Variants in IGSF5 observed in about 807,000 individuals in gnomAD.
The protein encoded by IGSF5 is immunoglobulin superfamily 5 like.
A neutral mutation model predicts 39.4 loss-of-function variants in IGSF5; 41 were observed. The observed-to-expected ratio is 1.04, with a 90% confidence interval of 0.81 to 1.35. The LOEUF (loss-of-function observed/expected upper bound fraction) is 1.35, where lower values mean the gene tolerates loss of function less well. Among genes scored for constraint, IGSF5 ranks in the 40% most tolerant of loss-of-function variants. The pLI is 0.00. For synonymous variants in IGSF5, 183 were observed against 175.3 expected (o/e 1.04, Z -0.34); for missense variants, 487 against 494.6 (o/e 0.98, Z 0.15).
intron 6 of IGSF5, among the ~76,000 whole-genome samples, chr21:39,789,418 C>T (rs1188007559): frequency 1.3e-5 from 2 of 152,162 alleles, no homozygotes; most frequent in Non-Finnish European, 2.9e-5. Flanking sequence ...ACGGGCCCAC[C>T]TCAGGGCTTG....
chr21:39,762,353 T>C (rs1477956767), intron 2 of IGSF5, among the ~76,000 whole-genome samples: 1 of 152,200 alleles, frequency 6.6e-6, no homozygotes, highest in Non-Finnish European at 1.5e-5. Context: ...ATCAAATACA[T>C]GTAAGATGTA....
intron 8 of IGSF5, among the ~76,000 whole-genome samples, chr21:39,801,053 T>C (rs566502001): frequency 6.6e-6 from 1 of 152,386 alleles, no homozygotes; most frequent in African/African-American, 2.4e-5. Context: ...ATTCTTGGAA[T>C]TGGATTGCCC....
chr21:39,726,994 C>T, the IGSF5 span, among the ~76,000 whole-genome samples: 1 of 152,164 alleles, frequency 6.6e-6, no homozygotes, highest in East Asian at 1.9e-4. Context: ...CCAATGCTCC[C>T]CAGGGTTGGC....
the IGSF5 span, among the ~76,000 whole-genome samples, chr21:39,731,618 T>C: frequency 2.6e-5 from 4 of 152,066 alleles, no homozygotes; most frequent in African/African-American, 4.8e-5. Flanking sequence ...CCTTTGAAAA[T>C]GGAGGGGCCA....
the IGSF5 span, chr21:39,729,962 G>A: frequency 6.6e-6 from 1 of 152,254 alleles, no homozygotes; most frequent in Non-Finnish European, 1.5e-5. Flanking sequence ...GAGGAGGTGT[G>A]AGTCCAGCCA....
intron 6 of IGSF5, among the ~76,000 whole-genome samples, chr21:39,788,766 A>G (rs2146292478): frequency 6.6e-6 from 1 of 152,380 alleles, no homozygotes; most frequent in South Asian, 2.1e-4. Flanking sequence ...ATAAGTAGCC[A>G]GTAACCCTTT....
chr21:39,730,456 A>G, the IGSF5 span: 1 of 152,158 alleles, frequency 6.6e-6, no homozygotes, highest in East Asian at 1.9e-4. Context: ...TTTGGGGGCC[A>G]CAACTCAACC....
chr21:39,714,562 G>C, the IGSF5 span, among the ~76,000 whole-genome samples: 3 of 152,166 alleles, frequency 2.0e-5, no homozygotes, highest in Non-Finnish European at 2.9e-5. Flanking sequence ...AAGCCTGAGG[G>C]CTGGCTCCTC....
In IGSF5 at chr21:39,788,072, T is replaced by C; in HGVS notation, c.935-95T>C. 6.8e-6 allele frequency: 6 copies of C among 883,484 alleles called. No individual in the cohort carries two copies. The South Asian group carries it at 7.9e-5, about 12-fold the overall frequency. 54.7% of individuals were successfully genotyped at this position (883,484 alleles called of 1,614,324 possible). A position where few individuals can be genotyped will look rare whatever the true frequency, so the allele number is the denominator to read the frequency against. On this transcript the variant is annotated intron_variant, in intron 5 of 8. Coordinates refer to ENST00000380588, the MANE Select transcript of IGSF5 (RefSeq NM_001080444.2). ...TTGGGTCACAAATACTAATGTTGGGTCTGTTAAAATAAGGGAGTGTATAAA... is the reference window on the plus strand; with the variant it reads ...TTGGGTCACAAATACTAATGTTGGGCCTGTTAAAATAAGGGAGTGTATAAA...
At chr21:39,758,912 G>A (rs7278858) in intron 2 of IGSF5, among the ~76,000 whole-genome samples, 124,255 of 152,150 alleles carry the variant, frequency 0.82, 50,905 homozygotes, top group Admixed American at 0.86. Context: ...AGAAAGGGGC[G>A]CATGTCATAA....
At chr21:39,748,000 T>C (rs2079984312) in intron 2 of IGSF5, among the ~76,000 whole-genome samples, 2 of 152,130 alleles carry the variant, frequency 1.3e-5, no homozygotes, top group South Asian at 4.1e-4. Context: ...CACTGAAGGA[T>C]TAAATGTTCA....
upstream of IGSF5, among the ~76,000 whole-genome samples, chr21:39,744,477 T>C (rs2079962729): frequency 6.6e-6 from 1 of 152,234 alleles, no homozygotes; most frequent in Non-Finnish European, 1.5e-5. Flanking sequence ...TTTTTCTAAC[T>C]CTGCTTCCAC....
chr21:39,724,626 A>G, the IGSF5 span, among the ~76,000 whole-genome samples: 1 of 152,226 alleles, frequency 6.6e-6, no homozygotes, highest in Non-Finnish European at 1.5e-5. Context: ...TTCCCCAGCC[A>G]CATGAAAGTG....
chr21:39,771,342 A>G, intron 4 of IGSF5, 127 bp downstream of exon 4: 1 of 757,752 alleles, frequency 1.3e-6, no homozygotes, highest in Non-Finnish European at 2.0e-6. Context: ...GGTGGGGATG[A>G]TAAGGCCAAT....
At chr21:39,714,043 G>A in the IGSF5 span, among the ~76,000 whole-genome samples, 13 of 152,240 alleles carry the variant, frequency 8.5e-5, no homozygotes, top group African/African-American at 2.9e-4. Flanking sequence ...CCTGGGAAGA[G>A]CTGTGAATGA....
the IGSF5 span, among the ~76,000 whole-genome samples, chr21:39,731,767 T>C: frequency 1.3e-5 from 2 of 152,214 alleles, no homozygotes; most frequent in Non-Finnish European, 2.9e-5. Context: ...ACCTTGATGT[T>C]GGCCTTATGA....
intron 5 of IGSF5, among the ~76,000 whole-genome samples, chr21:39,781,967 T>C (rs2080173041): frequency 6.6e-6 from 1 of 152,188 alleles, no homozygotes; most frequent in African/African-American, 2.4e-5. Flanking sequence ...ATATCTTATA[T>C]GGTTTCATTT....
Position 39,748,343 on chromosome 21 carries a change from C to T in IGSF5, c.100+2045C>T, listed in dbSNP as rs189053846. Among the ~76,000 whole-genome samples, 13 of 107,744 alleles carry T rather than the reference C, an allele frequency of 1.2e-4. No individual in the cohort carries two copies. The East Asian group carries it at 3.8e-3, about 32-fold the overall frequency. The allele number at this position is 107,744 out of a possible 152,430, so 70.7% of individuals were successfully genotyped here. A position where few individuals can be genotyped will look rare whatever the true frequency, so the allele number is the denominator to read the frequency against. The stretch of plus-strand genomic sequence containing the variant: ...TTTTTTTTTTTGAGACAGCGTCTCT[C>T]TCTGTCACCCAGGCTGGAGTGCAGT... On this transcript the variant is annotated intron_variant, in intron 2 of 8. Coordinates refer to ENST00000380588, the MANE Select transcript of IGSF5 (RefSeq NM_001080444.2).
the IGSF5 span, among the ~76,000 whole-genome samples, chr21:39,720,311 G>C: frequency 9.4e-4 from 143 of 152,238 alleles, 1 homozygote; most frequent in Non-Finnish European, 1.3e-3. Context: ...ATGTGGAGTG[G>C]CTATAAATAC....
Sources: gnomAD v4.1 joint callset for allele counts (sites outside exome capture counted in the v4.1 genomes callset) on GRCh38, gnomAD v4.1.1 for gene constraint, MANE v1.5 for transcripts, NCBI Gene and HGNC (gene_info 2026-07-23, HGNC 2026-07-21) for gene names.